The following RBFOX1 variants were observed in gnomAD, a reference collection of about 807,000 sequenced individuals.
RBFOX1 encodes the protein RNA binding protein fox-1 homolog 1.
In RBFOX1, 8 loss-of-function variants were observed where a neutral mutation model predicts 57.7. The observed-to-expected ratio is 0.14, with a 90% CI of 0.08 to 0.25. The LOEUF (loss-of-function observed/expected upper bound fraction) is 0.25. RBFOX1 is among the 10% of genes least tolerant of loss of function. The pLI, the probability that RBFOX1 is intolerant of heterozygous loss-of-function variation, is 1.00. For synonymous variants in RBFOX1, 326 were observed against 222.4 expected (o/e 1.47, Z -4.15); for missense variants, 611 against 548.5 (o/e 1.11, Z -1.14).
At chr16:7,243,360 A>G (rs377565523) in intron 4 of RBFOX1, among the ~76,000 whole-genome samples, 11 of 152,166 alleles carry the variant, frequency 7.2e-5, no homozygotes, top group African/African-American at 2.2e-4. Context: ...TATGTATGAG[A>G]TGAAGAGACA....
At chr16:6,262,928 G>C (rs990561264) in intron 1 of RBFOX1, among the ~76,000 whole-genome samples, 1 of 152,176 alleles carries the variant, frequency 6.6e-6, no homozygotes, top group Non-Finnish European at 1.5e-5. Context: ...GTTGCAAAGA[G>C]GCACTGAGGC....
At chr16:6,571,184 A>G (rs2097339773) in intron 2 of RBFOX1, among the ~76,000 whole-genome samples, 1 of 152,200 alleles carries the variant, frequency 6.6e-6, no homozygotes, top group Admixed American at 6.5e-5. Flanking sequence ...TACAAACAAA[A>G]GGGGTCTATT....
In RBFOX1 at chr16:5,243,382, G is replaced by T. The variant is rs375811173; in HGVS notation, c.219+3277G>T. ...AACCAGATCAGGAAGGTTGTTGTCA[G>T]CCTGGGGCTCCTGTAGAGGAGCATC... On this transcript the variant is annotated intron_variant, in intron 1 of 2. Coordinates refer to the RBFOX1 transcript ENST00000585867. Among the ~76,000 whole-genome samples, 21 of 152,300 alleles carry T rather than the reference G, an allele frequency of 1.4e-4. No homozygotes were observed. In the East Asian group the frequency reaches 3.9e-3, roughly 28 times the overall value.
intron 4 of RBFOX1, among the ~76,000 whole-genome samples, chr16:7,257,308 C>A (rs1304986477): frequency 6.6e-6 from 1 of 152,172 alleles, no homozygotes; most frequent in Non-Finnish European, 1.5e-5. Context: ...CACACGCTTC[C>A]TGTGTATTTC....
intron 3 of RBFOX1, among the ~76,000 whole-genome samples, chr16:6,672,543 G>C (rs1233074134): frequency 1.3e-5 from 2 of 151,514 alleles, no homozygotes; most frequent in South Asian, 2.1e-4. Flanking sequence ...AAGAACAGGA[G>C]AAAGAAAAGA....
intron 1 of RBFOX1, among the ~76,000 whole-genome samples, chr16:6,309,077 G>C (rs80158966): frequency 0.014 from 2,185 of 152,046 alleles, 55 homozygotes; most frequent in African/African-American, 0.049. Context: ...CAGGTCTCAT[G>C]TGTATATTTC....
chr16:5,633,731 G>A (rs1352541251), intron 3 of RBFOX1, among the ~76,000 whole-genome samples: 13 of 151,924 alleles, frequency 8.6e-5, no homozygotes, highest in South Asian at 2.1e-4. Context: ...AAAATTAGCC[G>A]GGCGTCGTGG....
intron 4 of RBFOX1, among the ~76,000 whole-genome samples, chr16:7,311,779 A>G (rs1001677993): frequency 5.3e-5 from 8 of 152,232 alleles, no homozygotes; most frequent in African/African-American, 1.2e-4. Flanking sequence ...GCCAGTTGGT[A>G]TCATGGTATC....
At chr16:5,878,885 C>A (rs985114360) in intron 4 of RBFOX1, among the ~76,000 whole-genome samples, 1 of 152,188 alleles carries the variant, frequency 6.6e-6, no homozygotes, top group Non-Finnish European at 1.5e-5. Flanking sequence ...CTTTTAGTGT[C>A]TTCCTGGCCT....
At chr16:7,624,438 C>T (rs17144370) in intron 10 of RBFOX1, among the ~76,000 whole-genome samples, 21,942 of 152,178 alleles carry the variant, frequency 0.14, 1,887 homozygotes, top group African/African-American at 0.23. Context: ...TTCTTTTGTT[C>T]CTTTTCATGT....
chr16:6,631,078 A>T (rs975701621), intron 2 of RBFOX1, among the ~76,000 whole-genome samples: 8 of 152,214 alleles, frequency 5.3e-5, no homozygotes, highest in African/African-American at 1.9e-4. Context: ...GAGAGAGGGC[A>T]TTTGGAGGGG....
At chr16:6,614,243 G>T (rs969315549) in intron 2 of RBFOX1, among the ~76,000 whole-genome samples, 3 of 152,184 alleles carry the variant, frequency 2.0e-5, no homozygotes, top group Non-Finnish European at 4.4e-5. Flanking sequence ...AAGTAAGGAT[G>T]TCTGAAATGG....
chr16:5,568,793 C>T lies in RBFOX1; in HGVS notation c.259-30109C>T, dbSNP rs140077157. On this transcript the variant is annotated intron_variant, in intron 2 of 2. Coordinates refer to the RBFOX1 transcript ENST00000585867. Reference sequence around the variant, plus strand: ...TTTTGAAAACATTTGTTTTTTCACTCCTCCCACCAAATGACTCAACCTGGC... The same window carrying T: ...TTTTGAAAACATTTGTTTTTTCACTTCTCCCACCAAATGACTCAACCTGGC... 6.1e-3 allele frequency among the ~76,000 whole-genome samples: 928 copies of T among 152,218 alleles called. 4 individuals are homozygous for T. The highest frequency in any genetic ancestry group is 9.6e-3 in the Non-Finnish European group (650 of 68,004).
chr16:6,224,003 G>C (rs2097397217), intron 1 of RBFOX1, among the ~76,000 whole-genome samples: 1 of 152,116 alleles, frequency 6.6e-6, no homozygotes, highest in Non-Finnish European at 1.5e-5. Flanking sequence ...TCAAAGATCA[G>C]ATAGTTGTAG....
chr16:7,386,098 G>C (rs1008043541), intron 4 of RBFOX1, among the ~76,000 whole-genome samples: 3 of 151,892 alleles, frequency 2.0e-5, no homozygotes, highest in Non-Finnish European at 2.9e-5. Flanking sequence ...CAGCTTTTAA[G>C]GTTTTGCCAC....
chr16:6,783,038 A>G (rs986487361), intron 3 of RBFOX1, among the ~76,000 whole-genome samples: 2 of 152,070 alleles, frequency 1.3e-5, no homozygotes, highest in Non-Finnish European at 2.9e-5. Context: ...TTTATCTGGT[A>G]TAAGTACAGC....
In RBFOX1 at chr16:7,034,397, T is replaced by C. The variant is rs1037006996; in HGVS notation, c.-15-17660T>C. Among the ~76,000 whole-genome samples, 43 of 152,182 alleles carry C rather than the reference T, an allele frequency of 2.8e-4. 1 individual carries two copies. Among genetic ancestry groups the C allele is most frequent in the African/African-American group, 1.0e-3 (42 of 41,538 alleles). ...GGGGGCTGAGGTTGGAGATCATCAA[T>C]GCACCAGGGGTCTCGGGATGATGAA... is the stretch of plus-strand genomic sequence containing the variant. On this transcript the variant is annotated intron_variant, in intron 3 of 15. Transcript: ENST00000550418.
At chr16:7,130,079 C>G (rs2069832014) in intron 4 of RBFOX1, among the ~76,000 whole-genome samples, 3 of 147,414 alleles carry the variant, frequency 2.0e-5, no homozygotes, top group African/African-American at 7.6e-5. Context: ...GTCGCCCAGG[C>G]TGGGGTGCAA....
chr16:6,076,995 A>G (rs1268743267), intron 1 of RBFOX1, among the ~76,000 whole-genome samples: 1 of 152,198 alleles, frequency 6.6e-6, no homozygotes, highest in African/African-American at 2.4e-5. Flanking sequence ...CTGGAGCTTG[A>G]CAGCCAATAT....
Sources: allele counts gnomAD v4.1 joint callset (sites outside exome capture counted in the v4.1 genomes callset), GRCh38; gene constraint gnomAD v4.1.1; transcripts MANE v1.5; gene names NCBI Gene and HGNC (gene_info 2026-07-23, HGNC 2026-07-21).